Variants in SH3RF3 observed in about 807,000 individuals in gnomAD.
SH3RF3 encodes the protein E3 ubiquitin-protein ligase SH3RF3.
SH3RF3 carries 29 observed loss-of-function variants against 66.3 expected under a neutral mutation model. That is an observed-to-expected ratio of 0.44 (90% CI 0.33 to 0.60). The LOEUF is 0.60. Among genes scored for constraint, SH3RF3 ranks in the 20% least tolerant of loss-of-function variants. The pLI is 0.04. For synonymous variants in SH3RF3, 583 were observed against 532.0 expected (o/e 1.10, Z -1.32); for missense variants, 1,194 against 1,190.9 (o/e 1.00, Z -0.04).
chr2:109,355,160 A>G (rs570063633), intron 2 of SH3RF3, among the ~76,000 whole-genome samples: 24 of 152,378 alleles, frequency 1.6e-4, no homozygotes, highest in African/African-American at 5.0e-4. Flanking sequence ...AAAACAGCAT[A>G]TGAAAGTCTA....
intron 9 of SH3RF3, among the ~76,000 whole-genome samples, chr2:109,497,167 A>G (rs539504532): frequency 2.6e-5 from 4 of 152,346 alleles, no homozygotes; most frequent in East Asian, 1.9e-4. Context: ...CGTTATAGCC[A>G]TAAACAACTA....
intron 6 of SH3RF3, among the ~76,000 whole-genome samples, chr2:109,435,420 A>C (rs1677372719): frequency 6.6e-6 from 1 of 152,036 alleles, no homozygotes; most frequent in Non-Finnish European, 1.5e-5. Flanking sequence ...GCGAAGGCCT[A>C]CTCCTTCCTG....
At chr2:109,360,635 T>C (rs551948434) in intron 2 of SH3RF3, among the ~76,000 whole-genome samples, 1 of 152,360 alleles carries the variant, frequency 6.6e-6, no homozygotes, top group African/African-American at 2.4e-5. Flanking sequence ...AGCCTGTATA[T>C]AGGAAAGCAA....
intron 1 of SH3RF3, among the ~76,000 whole-genome samples, chr2:109,292,560 A>G (rs1681212205): frequency 6.6e-6 from 1 of 152,172 alleles, no homozygotes; most frequent in Non-Finnish European, 1.5e-5. Flanking sequence ...ACTTTAAATG[A>G]CATCATCCCC....
chr2:109,182,882 T>G (rs1695012017), intron 1 of SH3RF3, among the ~76,000 whole-genome samples: 1 of 152,236 alleles, frequency 6.6e-6, no homozygotes, highest in Admixed American at 6.5e-5. Context: ...CATATAAAAT[T>G]ATACTGTTTT....
chr2:109,347,597 G>A (rs558925193), intron 1 of SH3RF3, 77 bp from the exon 2 acceptor site: 30 of 1,535,946 alleles, frequency 2.0e-5, no homozygotes, highest in Admixed American at 1.3e-4. Context: ...GAGAAGCCCC[G>A]GCCTGCCCCG....
At chr2:109,396,255 A>G in intron 3 of SH3RF3, among the ~76,000 whole-genome samples, 1 of 152,236 alleles carries the variant, frequency 6.6e-6, no homozygotes, top group Non-Finnish European at 1.5e-5. Context: ...CTTAGGAGGA[A>G]GCAAATGAAT....
intron 1 of SH3RF3, among the ~76,000 whole-genome samples, chr2:109,325,960 A>G (rs1328518532): frequency 6.6e-6 from 1 of 152,236 alleles, no homozygotes; most frequent in African/African-American, 2.4e-5. Context: ...TTTCACTGTG[A>G]ACCGTAACGT....
chr2:109,325,827 G>C (rs190422187), intron 1 of SH3RF3, among the ~76,000 whole-genome samples: 232 of 152,312 alleles, frequency 1.5e-3, no homozygotes, highest in Non-Finnish European at 2.5e-3. Context: ...ATGCTGGCCC[G>C]AGCAGGGACC....
intron 7 of SH3RF3, among the ~76,000 whole-genome samples, chr2:109,438,699 G>C (rs1204890976): frequency 1.3e-5 from 2 of 152,136 alleles, no homozygotes; most frequent in African/African-American, 2.4e-5. Context: ...CTTCAGCATG[G>C]TTTACGTGGA....
At chr2:109,390,643 T>A (rs1675961326) in intron 3 of SH3RF3, among the ~76,000 whole-genome samples, 1 of 151,866 alleles carries the variant, frequency 6.6e-6, no homozygotes, top group Admixed American at 6.6e-5. Context: ...CAAGTGGGGG[T>A]GCGGTCGGCA....
intron 1 of SH3RF3, among the ~76,000 whole-genome samples, chr2:109,170,248 TC>T (rs1235778064): frequency 0.014 from 93 of 6,654 alleles, no homozygotes; most frequent in African/African-American, 0.037. Flanking sequence ...TTTTCTTTTC[TC>T]TTCTCTTCTC....
At chr2:109,452,620 C>T (rs558657525) in intron 8 of SH3RF3, among the ~76,000 whole-genome samples, 1 of 152,298 alleles carries the variant, frequency 6.6e-6, no homozygotes, top group East Asian at 1.9e-4. Context: ...GAGATTTACG[C>T]GCCATATCCC....
At chr2:109,443,895 G>T (rs1677640006) in intron 7 of SH3RF3, among the ~76,000 whole-genome samples, 1 of 152,180 alleles carries the variant, frequency 6.6e-6, no homozygotes. Flanking sequence ...ACTTGACTTA[G>T]TTGACGTTTG....
chr2:109,430,572 C>T (rs1460267838), intron 5 of SH3RF3, among the ~76,000 whole-genome samples: 7 of 152,100 alleles, frequency 4.6e-5, no homozygotes, highest in Non-Finnish European at 8.8e-5. Context: ...CACCTCTCCC[C>T]GTTCTCCTCT....
At chr2:109,413,763 T>A (rs1345689949) in intron 4 of SH3RF3, among the ~76,000 whole-genome samples, 2 of 152,232 alleles carry the variant, frequency 1.3e-5, no homozygotes, top group Admixed American at 6.5e-5. Context: ...CAGACTTCTC[T>A]GTTACTAACT....
chr2:109,400,587 AC>A (rs1676286773), intron 4 of SH3RF3, among the ~76,000 whole-genome samples: 1 of 151,642 alleles, frequency 6.6e-6, no homozygotes, highest in African/African-American at 2.4e-5. Flanking sequence ...ACACACACAC[AC>A]ACTTGTGAAC....
chr2:109,201,549 A>G (rs1207717363), intron 1 of SH3RF3, among the ~76,000 whole-genome samples: 2 of 152,022 alleles, frequency 1.3e-5, no homozygotes, highest in Non-Finnish European at 2.9e-5. Flanking sequence ...CCTGGTTTGG[A>G]AGTTGCTCTC....
chr2:109,179,188 C>T (rs760087829), intron 1 of SH3RF3, among the ~76,000 whole-genome samples: 5 of 152,056 alleles, frequency 3.3e-5, no homozygotes, highest in African/African-American at 9.7e-5. Flanking sequence ...CTTGCAGCTG[C>T]GTGGAAATTG....
Sources: gnomAD v4.1 joint callset for allele counts (sites outside exome capture counted in the v4.1 genomes callset) on GRCh38, gnomAD v4.1.1 for gene constraint, MANE v1.5 for transcripts, NCBI Gene and HGNC (gene_info 2026-07-23, HGNC 2026-07-21) for gene names.